CHST11: variants seen among roughly 807,000 people sequenced by gnomAD.
CHST11 encodes carbohydrate sulfotransferase 11, also known as C4S-1.
CHST11 carries 9 observed loss-of-function variants against 30.4 expected under a neutral mutation model. The ratio of observed to expected loss-of-function variants is 0.30; its 90% confidence interval spans 0.18 to 0.52. The LOEUF (loss-of-function observed/expected upper bound fraction) is 0.52. Ranked by LOEUF, CHST11 falls within the 20% of genes least tolerant of loss-of-function variation. CHST11 has a pLI of 0.97. For missense variants in CHST11, 348 were observed against 460.6 expected (o/e 0.76, Z 2.24); for synonymous variants, 152 against 187.8 (o/e 0.81, Z 1.56).
At chr12:104,577,090 A>G (rs1315742470) in intron 1 of CHST11, among the ~76,000 whole-genome samples, 1 of 152,014 alleles carries the variant, frequency 6.6e-6, no homozygotes, top group African/African-American at 2.4e-5. Flanking sequence ...GTGCTTCAAC[A>G]AAAGACCATG....
intron 2 of CHST11, among the ~76,000 whole-genome samples, chr12:104,754,566 C>T (rs1252879165): frequency 6.6e-6 from 1 of 152,220 alleles, no homozygotes; most frequent in Non-Finnish European, 1.5e-5. Flanking sequence ...GGCTTCAGAA[C>T]GTGTTCATCG....
chr12:104,648,444 C>T (rs370675392), intron 2 of CHST11, among the ~76,000 whole-genome samples: 33 of 152,124 alleles, frequency 2.2e-4, no homozygotes, highest in Admixed American at 3.9e-4. Flanking sequence ...CATCGTGGTT[C>T]GGTAGGTTAG....
intron 1 of CHST11, among the ~76,000 whole-genome samples, chr12:104,504,970 T>G (rs1248204570): frequency 6.6e-6 from 1 of 152,192 alleles, no homozygotes; most frequent in African/African-American, 2.4e-5. Context: ...AGCCTTGCAC[T>G]GGTGCTGAAT....
At chr12:104,493,039 A>G (rs934537600) in intron 1 of CHST11, among the ~76,000 whole-genome samples, 145 of 151,418 alleles carry the variant, frequency 9.6e-4, no homozygotes, top group African/African-American at 3.5e-3. Context: ...TCTCAGGAAA[A>G]AAAAAAAATC....
chr12:104,695,862 G>A (rs566062360), intron 2 of CHST11, among the ~76,000 whole-genome samples: 1 of 152,258 alleles, frequency 6.6e-6, no homozygotes, highest in Non-Finnish European at 1.5e-5. Flanking sequence ...CTCCTGGCCT[G>A]CTGGGAACAG....
intron 2 of CHST11, among the ~76,000 whole-genome samples, chr12:104,681,974 G>A (rs1226702654): frequency 6.6e-6 from 1 of 151,680 alleles, no homozygotes; most frequent in Non-Finnish European, 1.5e-5. Flanking sequence ...GGGACTACAG[G>A]CACCCGCCAC....
intron 1 of CHST11, 118 bp from the exon 2 acceptor site, chr12:104,601,787 GA>G: frequency 1.4e-6 from 1 of 729,152 alleles, no homozygotes; most frequent in Non-Finnish European, 2.3e-6. Context: ...TCCTTTGCTA[GA>G]AGCTGGTTTT....
At chr12:104,683,822 T>C (rs2039820289) in intron 2 of CHST11, among the ~76,000 whole-genome samples, 1 of 152,126 alleles carries the variant, frequency 6.6e-6, no homozygotes, top group Admixed American at 6.6e-5. Context: ...AATAAATGAA[T>C]GTGGGAGTGA....
chr12:104,463,780 A>G (rs2037431599), intron 1 of CHST11, among the ~76,000 whole-genome samples: 1 of 152,184 alleles, frequency 6.6e-6, no homozygotes, highest in South Asian at 2.1e-4. Flanking sequence ...GAAATGAAGG[A>G]GCCGGCCATG....
Position 104,458,781 on chromosome 12 carries a change from C to T in CHST11, c.118+1252C>T, listed in dbSNP as rs1160934377. The stretch of plus-strand genomic sequence containing the variant: ...GAGGGAGGTGGAAACGCATTTCCTT[C>T]CAGGGAAGTGGGGTTGGTGTTTTTC... On this transcript the variant is annotated intron_variant, in intron 1 of 2. Coordinates refer to ENST00000303694, the MANE Select transcript of CHST11 (RefSeq NM_018413.6). This position sits in a 1 kb window ranked among gnomAD's most constrained non-coding sequence, Gnocchi z 5.7. Among the ~76,000 whole-genome samples the T allele has an allele frequency of 2.0e-5, 3 of 152,246 alleles. No individual in the cohort carries two copies. The highest frequency in any genetic ancestry group is 7.2e-5 in the African/African-American group (3 of 41,464).
At chr12:104,684,315 A>T (rs1055571384) in intron 2 of CHST11, among the ~76,000 whole-genome samples, 1 of 149,774 alleles carries the variant, frequency 6.7e-6, no homozygotes, top group Admixed American at 6.7e-5. Flanking sequence ...TAGATGGGTG[A>T]GTGAGTGGAT....
rs775734312 is a variant in CHST11, at chr12:104,457,468, G to A, written c.57G>A (p.Leu19=). 6.2e-7 allele frequency: 1 copy of A among 1,614,100 alleles called. No homozygotes were observed. The highest frequency in any genetic ancestry group is 8.5e-7 in the Non-Finnish European group (1 of 1,180,012). Residue 19 remains leucine (L), a synonymous_variant, in exon 1 of 3, where the codon CTG becomes CTA. Coordinates refer to ENST00000303694, the MANE Select transcript of CHST11 (RefSeq NM_018413.6). The part of the protein sequence containing the change: ...MRMNRICRMV[L]ATCLGSFILV... ...TGAACAGAATCTGCCGGATGGTGCT[G>A]GCCACTTGCTTGGGATCCTTTATCC...
chr12:104,519,105 T>TGTGTGTGTGTGTG (rs1565972437), intron 1 of CHST11, among the ~76,000 whole-genome samples: 11 of 151,284 alleles, frequency 7.3e-5, no homozygotes, highest in Admixed American at 1.3e-4. Flanking sequence ...TGTGTGTGTG[T>TGTGTGTGTGTGTG]TTCTTTCTCC....
chr12:104,565,258 ATTT>A (rs66825272), intron 1 of CHST11, among the ~76,000 whole-genome samples: 6 of 72,924 alleles, frequency 8.2e-5, no homozygotes, highest in Admixed American at 3.7e-4. Context: ...GTTTTCTAGG[ATTT>A]TTTTTTTTTT....
chr12:104,732,820 A>C (rs1447597528), intron 2 of CHST11, among the ~76,000 whole-genome samples: 1 of 152,270 alleles, frequency 6.6e-6, no homozygotes, highest in Non-Finnish European at 1.5e-5. Context: ...ATCACTGATG[A>C]GACCAGATGG....
chr12:104,577,373 A>G (rs756913737), intron 1 of CHST11, among the ~76,000 whole-genome samples: 2 of 151,506 alleles, frequency 1.3e-5, no homozygotes, highest in Non-Finnish European at 2.9e-5. Context: ...CATGCAGCCC[A>G]AACTTGAGAG....
chr12:104,700,559 G>A (rs2039983631), intron 2 of CHST11, among the ~76,000 whole-genome samples: 1 of 152,160 alleles, frequency 6.6e-6, no homozygotes, highest in East Asian at 1.9e-4. Flanking sequence ...CTGTAAAATG[G>A]GGATAATACT....
At chr12:104,504,357 G>C (rs2037882232) in intron 1 of CHST11, among the ~76,000 whole-genome samples, 1 of 152,238 alleles carries the variant, frequency 6.6e-6, no homozygotes, top group Admixed American at 6.5e-5. Context: ...AGGCGCAGTG[G>C]CATGTGTGTT....
intron 2 of CHST11, among the ~76,000 whole-genome samples, chr12:104,669,629 A>C (rs2039672623): frequency 1.3e-5 from 2 of 152,252 alleles, no homozygotes; most frequent in Admixed American, 6.5e-5. Context: ...ACTCATGCGC[A>C]GTAAACGAGG....
Sources: gnomAD v4.1 joint callset for allele counts (sites outside exome capture counted in the v4.1 genomes callset) on GRCh38, gnomAD v4.1.1 for gene constraint, Gnocchi (gnomAD v3.1) non-coding constraint, MANE v1.5 for transcripts, NCBI Gene and HGNC (gene_info 2026-07-23, HGNC 2026-07-21) for gene names.